The following DDR2 variants were observed in gnomAD, a reference collection of about 807,000 sequenced individuals.
The protein encoded by DDR2 is discoidin domain receptor tyrosine kinase 2, also known as discoidin domain-containing receptor 2.
DDR2 carries 27 observed loss-of-function variants against 94.9 expected under a neutral mutation model. The observed-to-expected ratio is 0.28, with a 90% CI of 0.21 to 0.39. DDR2 has a LOEUF of 0.39. DDR2 is among the 10% of genes least tolerant of loss of function. The pLI is 1.00. For synonymous variants in DDR2, 382 were observed against 377.2 expected, an observed-to-expected ratio of 1.01 and a Z score of -0.15; for missense variants, 783 against 1,076.0, an observed-to-expected ratio of 0.73 and a Z score of 3.81.
chr1:162,716,439 TC>T (rs2102024626), intron 2 of DDR2, among the ~76,000 whole-genome samples: 1 of 152,352 alleles, frequency 6.6e-6, no homozygotes, highest in African/African-American at 2.4e-5. Flanking sequence ...GACCAATGTC[TC>T]CAGGATTCAC....
chr1:162,752,238 TC>T (rs1339166424), intron 3 of DDR2, among the ~76,000 whole-genome samples: 1 of 152,230 alleles, frequency 6.6e-6, no homozygotes, highest in Non-Finnish European at 1.5e-5. Flanking sequence ...CAATCAGGTG[TC>T]CTGAGACTCT....
intron 2 of DDR2, among the ~76,000 whole-genome samples, chr1:162,709,736 T>C (rs774433805): frequency 4.6e-5 from 7 of 152,148 alleles, no homozygotes; most frequent in African/African-American, 9.7e-5. Context: ...GAGGAGCTGG[T>C]TGGGAAAGAT....
intron 3 of DDR2, among the ~76,000 whole-genome samples, chr1:162,729,260 C>T (rs1376488343): frequency 1.4e-5 from 2 of 142,658 alleles, no homozygotes; most frequent in Admixed American, 1.4e-4. Flanking sequence ...GGACCCTGTG[C>T]TCAAGCCAAG....
intron 2 of DDR2, among the ~76,000 whole-genome samples, chr1:162,702,372 T>C (rs1291537335): frequency 1.3e-5 from 2 of 152,092 alleles, no homozygotes; most frequent in Non-Finnish European, 2.9e-5. Flanking sequence ...TATACTTAGG[T>C]CCCATGCAAG....
chr1:162,781,456 G>A lies in DDR2; in HGVS notation c.*1210G>A, dbSNP rs1647902884. ...TAAATGGGCTGCCACCAGAGGTGAG[G>A]AGTCTCTTGTCACTGGAGAGGTTAA... On this transcript the variant is annotated 3_prime_UTR_variant, in exon 18 of 18. Transcript: ENST00000367921. 1 of 152,238 alleles carries A rather than the reference G, an allele frequency of 6.6e-6. No homozygotes were observed. Among genetic ancestry groups the A allele is most frequent in the Non-Finnish European group, 1.5e-5 (1 of 68,052 alleles). The allele number at this position is 152,238 out of a possible 1,614,324, so 9.4% of individuals were successfully genotyped here. A position where few individuals can be genotyped will look rare whatever the true frequency, so the allele number is the denominator to read the frequency against.
chr1:162,633,267 T>C (rs905657990), intron 1 of DDR2, among the ~76,000 whole-genome samples: 3 of 152,124 alleles, frequency 2.0e-5, no homozygotes, highest in East Asian at 3.9e-4. Flanking sequence ...TGTTATGGAA[T>C]GACTGGGGCT....
chr1:162,772,269 C>T, intron 13 of DDR2, 22 bp downstream of exon 13: 3 of 1,610,972 alleles, frequency 1.9e-6, no homozygotes, highest in Non-Finnish European at 2.5e-6. Flanking sequence ...CTTTGATTCC[C>T]TTATAGCTCG....
At chr1:162,737,896 T>A (rs1226816155) in intron 3 of DDR2, among the ~76,000 whole-genome samples, 1 of 151,292 alleles carries the variant, frequency 6.6e-6, no homozygotes, top group Non-Finnish European at 1.5e-5. Context: ...GATTTGCATT[T>A]CTCTGATGGC....
Position 162,752,949 on chromosome 1 carries a change from G to T in DDR2, c.83-146G>T. On this transcript the variant is annotated intron_variant, in intron 3 of 17. Transcript: ENST00000367921. Reference sequence around the variant, plus strand: ...GGAAGACAAGTCTGATAGAGTCAGGGTGATCAAACTGGGGCCATAGAGGAA... The same window carrying T: ...GGAAGACAAGTCTGATAGAGTCAGGTTGATCAAACTGGGGCCATAGAGGAA... 4 of 680,692 alleles carry T rather than the reference G, an allele frequency of 5.9e-6. No homozygotes were observed. The East Asian group carries it at 1.3e-4, about 22-fold the overall frequency. The allele number at this position is 680,692 out of a possible 1,614,324, so 42.2% of individuals were successfully genotyped here.
At chr1:162,755,100 G>C in intron 5 of DDR2, 56 bp from the exon 6 acceptor site, 4 of 1,612,488 alleles carry the variant, frequency 2.5e-6, no homozygotes, top group Non-Finnish European at 3.4e-6. Flanking sequence ...GTGGGGTGAA[G>C]AAAAGTGAGC....
Position 162,783,069 on chromosome 1 carries a change from T to C in DDR2, c.*2823T>C, listed in dbSNP as rs1307766577. 3 of 152,174 alleles carry C rather than the reference T, an allele frequency of 2.0e-5. No individual in the cohort carries two copies. Among genetic ancestry groups the C allele is most frequent in the Non-Finnish European group, 2.9e-5 (2 of 68,024 alleles). 9.4% of individuals were successfully genotyped at this position (152,174 alleles called of 1,614,324 possible). ...GAATTAGAAGAATGAAGCTAGGACT[T>C]ATTTGGAAAAGGAGATAGAAAAAAA... On this transcript the variant is annotated 3_prime_UTR_variant, in exon 18 of 18. Coordinates refer to ENST00000367921, the MANE Select transcript of DDR2 (RefSeq NM_006182.4).
Position 162,761,509 on chromosome 1 carries a change from G to A in DDR2, c.1099+55G>A, listed in dbSNP as rs1571304729. Reference sequence around the variant, plus strand: ...GGGAGCAAGGTGATGAAGGAGGAATGCACATGCCCAGAACTTCTCATTAGC... The same window carrying A: ...GGGAGCAAGGTGATGAAGGAGGAATACACATGCCCAGAACTTCTCATTAGC... On this transcript the variant is annotated intron_variant, in intron 9 of 17. Transcript: ENST00000367921. 5.6e-6 allele frequency: 9 copies of A among 1,613,524 alleles called. No homozygotes were observed. The East Asian group carries it at 2.0e-4, about 36-fold the overall frequency.
At chr1:162,650,283 C>T (rs1488928448) in intron 1 of DDR2, among the ~76,000 whole-genome samples, 1 of 30,678 alleles carries the variant, frequency 3.3e-5, no homozygotes, top group Non-Finnish European at 1.3e-4. Flanking sequence ...AATTCCTCCT[C>T]CACGTTAAAA....
At chr1:162,663,446 T>C (rs956211000) in intron 2 of DDR2, among the ~76,000 whole-genome samples, 1 of 152,168 alleles carries the variant, frequency 6.6e-6, no homozygotes, top group African/African-American at 2.4e-5. Flanking sequence ...ATGTATGGAT[T>C]TGTTGCAAAA....
intron 9 of DDR2, among the ~76,000 whole-genome samples, chr1:162,762,393 A>G (rs1663787031): frequency 6.6e-6 from 1 of 152,164 alleles, no homozygotes; most frequent in South Asian, 2.1e-4. Context: ...TGTATATTTT[A>G]TGCTGAACTT....
At chr1:162,754,449 A>T (rs1307552137) in intron 4 of DDR2, among the ~76,000 whole-genome samples, 175 bp from the exon 5 acceptor site, 1 of 152,174 alleles carries the variant, frequency 6.6e-6, no homozygotes, top group Non-Finnish European at 1.5e-5. Flanking sequence ...AGGGAAAGGG[A>T]TCTGACCACA....
intron 2 of DDR2, among the ~76,000 whole-genome samples, chr1:162,667,556 C>G (rs1470602986): frequency 6.6e-6 from 1 of 152,198 alleles, no homozygotes; most frequent in African/African-American, 2.4e-5. Context: ...CACACACACA[C>G]AAACAAGAAG....
Position 162,753,177 on chromosome 1 carries a change from C to T in DDR2, c.165C>T (p.Ser55=), listed in dbSNP as rs1425833768. 1.2e-6 allele frequency: 2 copies of T among 1,613,256 alleles called. No homozygotes were observed. Among genetic ancestry groups the T allele is most frequent in the Non-Finnish European group, 1.7e-6 (2 of 1,179,604 alleles). ...CAGCTTCCAGTCAGTGGTCAGAGTC[C>T]ACAGCTGCCAAATATGGAAGGTGAG... ...DITASSQWSE[S]TAAKYGRLDS... The change falls in exon 4 of 18, where the codon TCC becomes TCT. Residue 55 remains serine, a synonymous_variant. Coordinates refer to ENST00000367921, the MANE Select transcript of DDR2 (RefSeq NM_006182.4).
chr1:162,772,285 G>C (rs756805870), intron 13 of DDR2, 38 bp downstream of exon 13: 1 of 1,601,052 alleles, frequency 6.2e-7, no homozygotes, highest in Non-Finnish European at 8.5e-7. Context: ...GCTCGAAGAA[G>C]GTGGTTGGAT....
Sources: allele counts gnomAD v4.1 joint callset (sites outside exome capture counted in the v4.1 genomes callset), GRCh38; gene constraint gnomAD v4.1.1; transcripts MANE v1.5; gene names NCBI Gene and HGNC (gene_info 2026-07-23, HGNC 2026-07-21).